ALK: variants seen among roughly 807,000 people sequenced by gnomAD.
ALK encodes ALK tyrosine kinase receptor.
Under a neutral mutation model 163.1 loss-of-function variants are expected in ALK, and 74 were observed. The observed-to-expected ratio is 0.45, with a 90% CI of 0.38 to 0.55. The LOEUF is 0.55. ALK is among the 20% of genes least tolerant of loss of function. The probability of loss-of-function intolerance (pLI) is 0.00; values close to 1 mark genes in which losing one functional copy is unlikely to be tolerated. For missense variants in ALK, 2,063 were observed against 2,105.3 expected (o/e 0.98, Z 0.39); for synonymous variants, 960 against 843.2 (o/e 1.14, Z -2.40).
At chr2:29,431,805 T>A (rs941926319) in intron 4 of ALK, among the ~76,000 whole-genome samples, 2 of 152,050 alleles carry the variant, frequency 1.3e-5, no homozygotes, top group Non-Finnish European at 2.9e-5. Context: ...CCCAAAAGGT[T>A]CCACAAAACA....
At chr2:29,471,400 C>T (rs929259264) in intron 4 of ALK, among the ~76,000 whole-genome samples, 5 of 152,174 alleles carry the variant, frequency 3.3e-5, no homozygotes, top group Admixed American at 2.6e-4. Flanking sequence ...AAAGTATTAA[C>T]AGATCGGTAT....
At chr2:29,793,222 C>T (rs190340976) in intron 1 of ALK, among the ~76,000 whole-genome samples, 3 of 152,278 alleles carry the variant, frequency 2.0e-5, no homozygotes, top group Admixed American at 6.5e-5. Context: ...ACATCTCATC[C>T]GTTCAAGTTT....
intron 1 of ALK, among the ~76,000 whole-genome samples, chr2:29,776,025 GAAGCAGCAAACCATGTTATTGATGGT>G (rs1274164132): frequency 1.3e-5 from 2 of 152,118 alleles, no homozygotes; most frequent in African/African-American, 4.8e-5. Context: ...TGCCACTTTT[GAAGCAGCAAACCATGTTATTGATGGT>G]ACTACAAGCC....
At chr2:29,824,746 A>G (rs1302734596) in intron 1 of ALK, among the ~76,000 whole-genome samples, 1 of 152,178 alleles carries the variant, frequency 6.6e-6, no homozygotes, top group Non-Finnish European at 1.5e-5. Context: ...TTTTGATTTT[A>G]CAGGCTCGTA....
intron 1 of ALK, among the ~76,000 whole-genome samples, chr2:29,908,298 ACAC>A (rs755546665): frequency 1.5e-4 from 23 of 151,926 alleles, no homozygotes; most frequent in Non-Finnish European, 2.8e-4. Context: ...ACACACACAC[ACAC>A]ACACACACAT....
chr2:29,719,307 T>A lies in ALK; in HGVS notation c.668-1610A>T, dbSNP rs181963552. Among the ~76,000 whole-genome samples the A allele has an allele frequency of 2.6e-3, 390 of 152,362 alleles. 1 individual carries two copies. Among genetic ancestry groups the A allele is most frequent in the African/African-American group, 8.9e-3 (370 of 41,592 alleles). ...TACAGAGATTAGAACTGAATTGATT[T>A]GTGCCAGGTACATCTTTCTGCAGCA... is the stretch of plus-strand genomic sequence containing the variant. On this transcript the variant is annotated intron_variant, in intron 1 of 28. Transcript: ENST00000389048.
intron 3 of ALK, among the ~76,000 whole-genome samples, chr2:29,575,412 G>A (rs770466823): frequency 7.9e-5 from 12 of 152,120 alleles, no homozygotes; most frequent in Non-Finnish European, 1.3e-4. Flanking sequence ...GAGACCAATT[G>A]ATAGGCTTCC....
chr2:29,359,471 T>C (rs936426274), intron 5 of ALK, among the ~76,000 whole-genome samples: 4 of 152,212 alleles, frequency 2.6e-5, no homozygotes, highest in African/African-American at 7.2e-5. Context: ...AGAAATCCTG[T>C]TCCTTCTTCA....
chr2:29,813,914 T>A lies in ALK; in HGVS notation c.668-96217A>T, dbSNP rs142629634. Among the ~76,000 whole-genome samples, 156 of 152,366 alleles carry A rather than the reference T, an allele frequency of 1.0e-3. 2 individuals are homozygous for A. Among genetic ancestry groups the A allele is most frequent in the African/African-American group, 3.6e-3 (151 of 41,584 alleles). ...AATTCTATTAAGTCCATGGCTGTCA[T>A]GTCTGGAAGAAACTTAAGGAGAGAA... On this transcript the variant is annotated intron_variant, in intron 1 of 28. Coordinates refer to ENST00000389048, the MANE Select transcript of ALK (RefSeq NM_004304.5).
intron 4 of ALK, among the ~76,000 whole-genome samples, chr2:29,493,489 C>T (rs923441470): frequency 2.0e-5 from 3 of 152,162 alleles, no homozygotes; most frequent in Admixed American, 2.0e-4. Flanking sequence ...TCTAGGAGGT[C>T]CCTGCATCAC....
intron 4 of ALK, among the ~76,000 whole-genome samples, chr2:29,528,833 C>T (rs1302959282): frequency 6.6e-6 from 1 of 152,156 alleles, no homozygotes; most frequent in Non-Finnish European, 1.5e-5. Flanking sequence ...GCCTATGTGA[C>T]TCTGTGATCA....
chr2:29,871,118 T>C (rs1353828624), intron 1 of ALK, among the ~76,000 whole-genome samples: 8 of 152,152 alleles, frequency 5.3e-5, no homozygotes, highest in African/African-American at 1.9e-4. Context: ...ATAAAACCCA[T>C]TGGCTTTAGG....
At chr2:29,700,455 A>G (rs187754875) in intron 2 of ALK, among the ~76,000 whole-genome samples, 70 of 152,304 alleles carry the variant, frequency 4.6e-4, no homozygotes, top group African/African-American at 1.5e-3. Flanking sequence ...GAGGCAGGAG[A>G]ATGGCTTGAA....
At chr2:29,349,122 T>A (rs755762075) in intron 5 of ALK, among the ~76,000 whole-genome samples, 15 of 152,222 alleles carry the variant, frequency 9.9e-5, no homozygotes, top group Admixed American at 1.3e-4. Flanking sequence ...GCTGCATTAC[T>A]AGCTCAGTCC....
intron 2 of ALK, among the ~76,000 whole-genome samples, chr2:29,710,188 C>T (rs1178162107): frequency 6.6e-6 from 1 of 152,162 alleles, no homozygotes; most frequent in Non-Finnish European, 1.5e-5. Flanking sequence ...GAGGTAAGCA[C>T]ATCTTACTTA....
At chr2:29,260,004 C>T (rs1309955956) in intron 11 of ALK, among the ~76,000 whole-genome samples, 2 of 152,072 alleles carry the variant, frequency 1.3e-5, no homozygotes, top group Admixed American at 6.5e-5. Flanking sequence ...GAGTTTTTGA[C>T]AGCAACACTT....
intron 1 of ALK, among the ~76,000 whole-genome samples, chr2:29,734,881 A>T (rs1435543555): frequency 1.3e-5 from 2 of 152,146 alleles, no homozygotes; most frequent in Non-Finnish European, 2.9e-5. Flanking sequence ...AATTATGCTC[A>T]GCACTGCTGA....
intron 4 of ALK, among the ~76,000 whole-genome samples, chr2:29,415,447 T>G (rs1395195626): frequency 6.6e-6 from 1 of 152,126 alleles, no homozygotes; most frequent in Non-Finnish European, 1.5e-5. Flanking sequence ...TTTGGTCACC[T>G]AGCCTGGTAT....
rs1211711845 is a variant in ALK, at chr2:29,453,658, AG to A, written c.1155-69800del. ...TATTAAATATTTATTTGTGAATGAC[AG>A]GAAGACTGAGAATGAAGAAGGAAAG... On this transcript the variant is annotated intron_variant, in intron 4 of 28. Transcript: ENST00000389048. Among the ~76,000 whole-genome samples, 6 of 152,308 alleles carry A rather than the reference AG, an allele frequency of 3.9e-5. 1 individual carries two copies. Among genetic ancestry groups the A allele is most frequent in the Middle Eastern group, 6.8e-3 (2 of 294 alleles).
Sources: allele counts gnomAD v4.1 joint callset (sites outside exome capture counted in the v4.1 genomes callset), GRCh38; gene constraint gnomAD v4.1.1; transcripts MANE v1.5; gene names NCBI Gene and HGNC (gene_info 2026-07-23, HGNC 2026-07-21).